CLSTN1: variants seen among roughly 807,000 people sequenced by gnomAD.
The protein encoded by CLSTN1 is calsyntenin 1, also known as calsyntenin-1.
CLSTN1 carries 28 observed loss-of-function variants against 108.3 expected under a neutral mutation model. That is an observed-to-expected ratio of 0.26 (90% CI 0.19 to 0.35). The LOEUF (loss-of-function observed/expected upper bound fraction) is 0.35, where lower values mean the gene tolerates loss of function less well. CLSTN1 is among the 10% of genes least tolerant of loss of function. The pLI is 1.00. For missense variants in CLSTN1, 1,157 were observed against 1,302.6 expected (o/e 0.89, Z 1.72); for synonymous variants, 524 against 534.9 (o/e 0.98, Z 0.28).
intron 4 of CLSTN1, among the ~76,000 whole-genome samples, chr1:9,752,820 C>T (rs576959502): frequency 2.0e-5 from 3 of 152,210 alleles, no homozygotes; most frequent in East Asian, 3.9e-4. Flanking sequence ...CGAGATTGTG[C>T]CACCGCACTC....
chr1:9,800,504 G>A (rs547414603), intron 1 of CLSTN1, among the ~76,000 whole-genome samples: 211 of 148,748 alleles, frequency 1.4e-3, no homozygotes, highest in Admixed American at 3.4e-3. Flanking sequence ...AGGATCACGA[G>A]GTCAGGAGAT....
chr1:9,784,596 A>G (rs1653397008), intron 1 of CLSTN1, among the ~76,000 whole-genome samples: 1 of 152,236 alleles, frequency 6.6e-6, no homozygotes, highest in Non-Finnish European at 1.5e-5. Flanking sequence ...CTTAAAAAAC[A>G]ACAGCTAAAT....
chr1:9,758,816 G>A (rs1475574322), intron 2 of CLSTN1, among the ~76,000 whole-genome samples: 1 of 152,150 alleles, frequency 6.6e-6, no homozygotes, highest in African/African-American at 2.4e-5. Context: ...TCCACTGTGT[G>A]AAAATGCCAT....
intron 1 of CLSTN1, among the ~76,000 whole-genome samples, chr1:9,777,043 C>T (rs553032067): frequency 6.6e-6 from 1 of 151,780 alleles, no homozygotes; most frequent in Non-Finnish European, 1.5e-5. Flanking sequence ...ATGGTGAAAC[C>T]CTCCTGTCTT....
At chr1:9,751,370 G>C in intron 5 of CLSTN1, 103 bp downstream of exon 5, 26 of 1,080,328 alleles carry the variant, frequency 2.4e-5, no homozygotes, top group Non-Finnish European at 3.6e-5. Flanking sequence ...TCCAACTTGT[G>C]AGTTCCATGA....
chr1:9,753,706 G>A (rs1472746128), intron 4 of CLSTN1, among the ~76,000 whole-genome samples: 1 of 152,012 alleles, frequency 6.6e-6, no homozygotes, highest in East Asian at 1.9e-4. Flanking sequence ...GGCCAGGCTG[G>A]TCATGAACTC....
At chr1:9,746,570 C>T (rs1651277143) in intron 7 of CLSTN1, among the ~76,000 whole-genome samples, 1 of 152,164 alleles carries the variant, frequency 6.6e-6, no homozygotes, top group Non-Finnish European at 1.5e-5. Context: ...AAAAATGAGC[C>T]AGGCATGATG....
chr1:9,818,249 G>A (rs145903785), intron 1 of CLSTN1, among the ~76,000 whole-genome samples: 1,970 of 151,552 alleles, frequency 0.013, 29 homozygotes, highest in East Asian at 0.044. Context: ...GACTCAAGCA[G>A]TTCACCCATC....
chr1:9,730,687 T>C lies in CLSTN1; in HGVS notation c.2767A>G (p.Ser923Gly). 1 of 1,607,448 alleles carries C rather than the reference T, an allele frequency of 6.2e-7. No individual in the cohort carries two copies. The highest frequency in any genetic ancestry group is 1.1e-5 in the South Asian group (1 of 90,728). Reference protein sequence around the residue: ...NPMETYEDQHSSEEEEEEEEE... With the variant: ...NPMETYEDQHGSEEEEEEEEE... ...TCCTCTTCCTCCTCCTCCTCACTGC[T>C]GTGCTGGTCCTCATAGGTCTGGCAA... The change falls in exon 19 of 19, where the codon AGC becomes GGC. Residue 923 changes from serine (S) to glycine (G), a missense_variant. By Grantham distance (56) the Ser-to-Gly change is moderately conservative (BLOSUM62 0). Coordinates refer to ENST00000377298, the MANE Select transcript of CLSTN1 (RefSeq NM_001009566.3). This position sits in a 1 kb window ranked among gnomAD's most constrained non-coding sequence, Gnocchi z 5.6.
intron 4 of CLSTN1, among the ~76,000 whole-genome samples, chr1:9,752,133 G>A (rs1286767776): frequency 6.6e-6 from 1 of 152,126 alleles, no homozygotes; most frequent in Non-Finnish European, 1.5e-5. Flanking sequence ...AGCATGAAAT[G>A]GTTTGATTCT....
chr1:9,763,004 C>A (rs917805220), intron 2 of CLSTN1, among the ~76,000 whole-genome samples: 4 of 152,080 alleles, frequency 2.6e-5, no homozygotes, highest in Non-Finnish European at 4.4e-5. Context: ...CTCTGTCACC[C>A]AGGCTGGAGT....
chr1:9,807,838 T>A (rs1654571632), intron 1 of CLSTN1, among the ~76,000 whole-genome samples: 1 of 152,234 alleles, frequency 6.6e-6, no homozygotes, highest in Non-Finnish European at 1.5e-5. Context: ...GGCAGGCTAC[T>A]CTCTCCCTCC....
At chr1:9,747,783 T>C (rs943895490) in intron 7 of CLSTN1, among the ~76,000 whole-genome samples, 2 of 152,140 alleles carry the variant, frequency 1.3e-5, no homozygotes, top group African/African-American at 4.8e-5. Flanking sequence ...CGGTGGCTCA[T>C]GCCTGCAATC....
rs573298612 is a variant in CLSTN1 at position 9,813,554 on chromosome 1, A to T, written c.91+10089T>A. ...AAAACATTTTTAATAATTTTTGAAC[A>T]AGGGGCCCCACAGTTTGTTTTGCAT... On this transcript the variant is annotated intron_variant, in intron 1 of 18. Coordinates refer to ENST00000377298, the MANE Select transcript of CLSTN1 (RefSeq NM_001009566.3). 4.3e-4 allele frequency among the ~76,000 whole-genome samples: 65 copies of T among 152,218 alleles called. 2 individuals carry two copies. In the South Asian group the frequency reaches 0.013, roughly 30 times the overall value.
chr1:9,824,269 G>C (rs1442740610), upstream of CLSTN1: 1 of 151,790 alleles, frequency 6.6e-6, no homozygotes, highest in Non-Finnish European at 1.5e-5. The surrounding 1 kb of genome is among the most constrained non-coding windows in gnomAD (Gnocchi z 5.0). Flanking sequence ...CGCAGATGGA[G>C]AGCCTCAACT....
intron 11 of CLSTN1, among the ~76,000 whole-genome samples, chr1:9,737,156 C>T (rs1356316018): frequency 6.6e-6 from 1 of 152,148 alleles, no homozygotes; most frequent in Non-Finnish European, 1.5e-5. Context: ...TTTCCTGTCT[C>T]GTGGTTCATC....
chr1:9,779,190 C>A (rs1653119704), intron 1 of CLSTN1, among the ~76,000 whole-genome samples: 1 of 152,190 alleles, frequency 6.6e-6, no homozygotes, highest in Non-Finnish European at 1.5e-5. Context: ...TCTGAAACGG[C>A]TCTCTGAGAG....
At chr1:9,737,680 C>CAGAGCGGGATCACGA in intron 10 of CLSTN1, 126 bp from the exon 11 acceptor site, 3 of 812,834 alleles carry the variant, frequency 3.7e-6, no homozygotes, top group Non-Finnish European at 6.2e-6. Context: ...CTCGTGATCC[C>CAGAGCGGGATCACGA]GCTCTGGGAT....
Position 9,800,940 on chromosome 1 carries a change from AAAAT to A in CLSTN1, c.91+22699_91+22702del, listed in dbSNP as rs200056743. Among the ~76,000 whole-genome samples the A allele has an allele frequency of 8.2e-4, 124 of 151,544 alleles. 1 individual carries two copies. The highest frequency in any genetic ancestry group is 1.4e-3 in the Non-Finnish European group (92 of 67,884). On this transcript the variant is annotated intron_variant, in intron 1 of 18. Coordinates refer to ENST00000377298, the MANE Select transcript of CLSTN1 (RefSeq NM_001009566.3). The stretch of plus-strand genomic sequence containing the variant: ...GACAACAGAGTGAGACTCAGTCTCA[AAAAT>A]AAATAAATAAATAAATAAGAGGCTG...
Sources: gnomAD v4.1 joint callset for allele counts (sites outside exome capture counted in the v4.1 genomes callset) on GRCh38, gnomAD v4.1.1 for gene constraint, Gnocchi (gnomAD v3.1) non-coding constraint, MANE v1.5 for transcripts, NCBI Gene and HGNC (gene_info 2026-07-23, HGNC 2026-07-21) for gene names.